Variants in SEMA3E observed in about 807,000 individuals in gnomAD.
SEMA3E encodes the protein semaphorin-3E.
A neutral mutation model predicts 93.6 loss-of-function variants in SEMA3E; 49 were observed. The observed-to-expected ratio is 0.52, with a 90% CI of 0.42 to 0.66. The LOEUF (loss-of-function observed/expected upper bound fraction) is 0.66, where lower values mean the gene tolerates loss of function less well. Ranked by LOEUF, SEMA3E falls within the 30% of genes least tolerant of loss-of-function variation. The pLI, the probability that SEMA3E is intolerant of heterozygous loss-of-function variation, is 0.00. For synonymous variants in SEMA3E, 363 were observed against 330.7 expected (o/e 1.10, Z -1.06); for missense variants, 906 against 964.8 (o/e 0.94, Z 0.81).
intron 1 of SEMA3E, among the ~76,000 whole-genome samples, chr7:83,620,747 A>T (rs1793538573): frequency 6.6e-6 from 1 of 152,148 alleles, no homozygotes; most frequent in African/African-American, 2.4e-5. Context: ...TAAAAACTAT[A>T]TGATTTTCTC....
At chr7:83,573,894 T>G (rs923482835) in intron 1 of SEMA3E, among the ~76,000 whole-genome samples, 1 of 151,936 alleles carries the variant, frequency 6.6e-6, no homozygotes, top group Non-Finnish European at 1.5e-5. Context: ...TATAATAAAA[T>G]AATTTTTTAA....
intron 15 of SEMA3E, 32 bp from the exon 16 acceptor site, chr7:83,385,465 A>T (rs781139233): frequency 5.0e-6 from 8 of 1,609,598 alleles, no homozygotes. Context: ...CATCTTTGAG[A>T]CTTAGATTTT....
chr7:83,482,437 G>A (rs1790164975), intron 2 of SEMA3E, among the ~76,000 whole-genome samples: 2 of 151,708 alleles, frequency 1.3e-5, no homozygotes, highest in South Asian at 2.1e-4. Context: ...GTGGTGGCGG[G>A]TGCCTGTAGT....
At chr7:83,403,681 A>G (rs916669162) in intron 9 of SEMA3E, among the ~76,000 whole-genome samples, 3 of 151,986 alleles carry the variant, frequency 2.0e-5, no homozygotes, top group African/African-American at 7.2e-5. Flanking sequence ...TTCTATATAA[A>G]TAAAGTTTCC....
intron 10 of SEMA3E, among the ~76,000 whole-genome samples, chr7:83,401,971 G>A (rs914402657): frequency 6.6e-6 from 1 of 152,026 alleles, no homozygotes; most frequent in Non-Finnish European, 1.5e-5. Context: ...TTAGCCATGT[G>A]TGCTAAAAGC....
intron 4 of SEMA3E, chr7:83,424,981 C>G (rs929231402): frequency 8.1e-6 from 2 of 245,494 alleles, no homozygotes; most frequent in African/African-American, 4.6e-5. Context: ...ATCTACATGA[C>G]AAGTATAGTG....
chr7:83,545,152 T>C (rs1455747468), intron 1 of SEMA3E, among the ~76,000 whole-genome samples: 1 of 152,132 alleles, frequency 6.6e-6, no homozygotes. Context: ...TGTGATTTTA[T>C]TGTGCATTTA....
chr7:83,476,974 G>A (rs1023849644), intron 2 of SEMA3E, among the ~76,000 whole-genome samples: 5 of 151,822 alleles, frequency 3.3e-5, no homozygotes, highest in Non-Finnish European at 5.9e-5. Flanking sequence ...ATATTTCAAC[G>A]GAGAAAAATA....
At chr7:83,624,553 C>T (rs2115645508) in intron 1 of SEMA3E, among the ~76,000 whole-genome samples, 1 of 152,248 alleles carries the variant, frequency 6.6e-6, no homozygotes, top group East Asian at 1.9e-4. Context: ...ATCCTTCGCC[C>T]ACTTTTTGAT....
At chr7:83,408,346 A>T (rs771659788) in intron 6 of SEMA3E, 22 bp downstream of exon 6, 3 of 1,613,506 alleles carry the variant, frequency 1.9e-6, no homozygotes, top group Non-Finnish European at 2.5e-6. Flanking sequence ...CCTAATTCAC[A>T]TACTCTTTTC....
chr7:83,383,970 C>G (rs1257272446), intron 16 of SEMA3E, among the ~76,000 whole-genome samples: 2 of 151,970 alleles, frequency 1.3e-5, no homozygotes, highest in Non-Finnish European at 2.9e-5. Flanking sequence ...AATACTAAAT[C>G]AACAACTTAA....
chr7:83,471,317 A>G (rs1436992137), intron 2 of SEMA3E, among the ~76,000 whole-genome samples: 3 of 71,344 alleles, frequency 4.2e-5, no homozygotes, highest in Non-Finnish European at 8.0e-5. Context: ...TAGTAATTAA[A>G]ACATTAAAAA....
chr7:83,468,564 T>TA (rs1166998408), intron 3 of SEMA3E, among the ~76,000 whole-genome samples: 3 of 151,712 alleles, frequency 2.0e-5, no homozygotes, highest in Non-Finnish European at 1.5e-5. Flanking sequence ...TTTTTTTTTT[T>TA]AACTGAAAAA....
Position 83,402,679 on chromosome 7 carries a change from G to A in SEMA3E, c.1096C>T (p.His366Tyr). ...ACTTTTCCTTCATAGACTGACCAGT[G>A]GTATTCAGGTCCTTCCTTATGTGCA... is the stretch of plus-strand genomic sequence containing the variant. ...PYAHKEGPEY[H>Y]WSVYEGKVPY... Residue 366 changes from histidine to tyrosine, a missense_variant, in exon 10 of 17, where the codon CAC becomes TAC. Transcript: ENST00000643230. The A allele has an allele frequency of 6.2e-7, 1 of 1,612,844 alleles. No homozygotes were observed.
chr7:83,581,222 A>G (rs878902929), intron 1 of SEMA3E, among the ~76,000 whole-genome samples: 1 of 151,982 alleles, frequency 6.6e-6, no homozygotes, highest in Admixed American at 6.6e-5. Flanking sequence ...ATAAAACTCA[A>G]CACGTATTTA....
chr7:83,568,340 A>T (rs1231620054), intron 1 of SEMA3E, among the ~76,000 whole-genome samples: 1 of 152,254 alleles, frequency 6.6e-6, no homozygotes, highest in South Asian at 2.1e-4. Flanking sequence ...ATTCTGAAAC[A>T]TTGAAGAGGA....
intron 4 of SEMA3E, among the ~76,000 whole-genome samples, chr7:83,420,727 G>T (rs1292289772): frequency 6.6e-6 from 1 of 152,090 alleles, no homozygotes; most frequent in African/African-American, 2.4e-5. Flanking sequence ...ATGAGGAAAG[G>T]ACTCCCTATT....
intron 1 of SEMA3E, among the ~76,000 whole-genome samples, chr7:83,540,084 T>A (rs1458992897): frequency 6.6e-6 from 1 of 152,128 alleles, no homozygotes; most frequent in East Asian, 1.9e-4. Context: ...GCGTTTGCCA[T>A]GTTGGCCAGG....
At chr7:83,407,709 A>C (rs1788356513) in intron 6 of SEMA3E, among the ~76,000 whole-genome samples, 1 of 152,184 alleles carries the variant, frequency 6.6e-6, no homozygotes, top group South Asian at 2.1e-4. Flanking sequence ...TTTTAGTTTC[A>C]AAGTAGAAAA....
Sources: gnomAD v4.1 joint callset for allele counts (sites outside exome capture counted in the v4.1 genomes callset) on GRCh38, gnomAD v4.1.1 for gene constraint, MANE v1.5 for transcripts, NCBI Gene and HGNC (gene_info 2026-07-23, HGNC 2026-07-21) for gene names.